Variants in UNC5C observed in about 807,000 individuals in gnomAD.
UNC5C encodes netrin receptor UNC5C.
UNC5C carries 47 observed loss-of-function variants against 99.8 expected under a neutral mutation model. The observed-to-expected ratio is 0.47, with a 90% CI of 0.37 to 0.60. The LOEUF (loss-of-function observed/expected upper bound fraction) is 0.60, where lower values mean the gene tolerates loss of function less well. Ranked by LOEUF, UNC5C falls within the 20% of genes least tolerant of loss-of-function variation. The pLI is 0.00. For missense variants in UNC5C, 1,062 were observed against 1,165.9 expected (o/e 0.91, Z 1.30); for synonymous variants, 487 against 452.2 (o/e 1.08, Z -0.98).
At chr4:95,225,736 G>A (rs1738660215) in intron 7 of UNC5C, among the ~76,000 whole-genome samples, 1 of 152,100 alleles carries the variant, frequency 6.6e-6, no homozygotes, top group South Asian at 2.1e-4. Context: ...TTTCCTACAT[G>A]GGAAAATTTA....
intron 3 of UNC5C, 66 bp from the exon 4 acceptor site, chr4:95,278,428 C>T: frequency 7.5e-7 from 1 of 1,340,552 alleles, no homozygotes; most frequent in South Asian, 1.2e-5. Flanking sequence ...ACAGAGAGTA[C>T]AAAAAATTTT....
intron 2 of UNC5C, among the ~76,000 whole-genome samples, chr4:95,328,606 G>T: frequency 7.0e-6 from 1 of 143,716 alleles, no homozygotes; most frequent in South Asian, 2.5e-4. Flanking sequence ...GGGTCAAATG[G>T]TATTTCTAGT....
At chr4:95,487,598 A>C (rs568601153) in intron 1 of UNC5C, among the ~76,000 whole-genome samples, 2 of 151,760 alleles carry the variant, frequency 1.3e-5, no homozygotes, top group Non-Finnish European at 2.9e-5. Context: ...CACTACTATA[A>C]ATACTTATGT....
chr4:95,279,497 T>G (rs1459541584), intron 3 of UNC5C, among the ~76,000 whole-genome samples: 1 of 152,232 alleles, frequency 6.6e-6, no homozygotes, highest in Admixed American at 6.5e-5. Flanking sequence ...TTATTTTGTT[T>G]TAATGGTTTG....
chr4:95,540,012 T>C (rs1172421310), intron 1 of UNC5C, among the ~76,000 whole-genome samples: 4 of 152,074 alleles, frequency 2.6e-5, no homozygotes, highest in Non-Finnish European at 5.9e-5. Context: ...TATATATGTG[T>C]GTATAAATAT....
intron 1 of UNC5C, among the ~76,000 whole-genome samples, chr4:95,421,401 A>G (rs144459584): frequency 6.6e-6 from 1 of 152,270 alleles, no homozygotes; most frequent in Non-Finnish European, 1.5e-5. Flanking sequence ...TTTTCAACAA[A>G]ATTGGAAAAG....
At chr4:95,292,347 G>A (rs1241235925) in intron 3 of UNC5C, among the ~76,000 whole-genome samples, 4 of 150,214 alleles carry the variant, frequency 2.7e-5, no homozygotes, top group Admixed American at 6.7e-5. Flanking sequence ...TCAGCTCACC[G>A]CAAGCTCTGC....
At chr4:95,536,525 G>A (rs538569124) in intron 1 of UNC5C, among the ~76,000 whole-genome samples, 1 of 152,202 alleles carries the variant, frequency 6.6e-6, no homozygotes, top group African/African-American at 2.4e-5. Context: ...TCCTATTTCA[G>A]TCAGTCTGGC....
chr4:95,374,226 G>A lies in UNC5C; in HGVS notation c.125-38595C>T, dbSNP rs191914786. Among the ~76,000 whole-genome samples, 1,026 of 152,222 alleles carry A rather than the reference G, an allele frequency of 6.7e-3. 3 individuals carry two copies. The highest frequency in any genetic ancestry group is 8.7e-3 in the Non-Finnish European group (594 of 68,016). ...AGGATAAGAGTGCAAATGGAGGTTT[G>A]CACACCATATGCCTAGATACTTCAA... is the stretch of plus-strand genomic sequence containing the variant. On this transcript the variant is annotated intron_variant, in intron 1 of 15. Coordinates refer to ENST00000453304, the MANE Select transcript of UNC5C (RefSeq NM_003728.4).
At chr4:95,216,564 A>G (rs1425793438) in intron 9 of UNC5C, among the ~76,000 whole-genome samples, 1 of 151,980 alleles carries the variant, frequency 6.6e-6, no homozygotes, top group Non-Finnish European at 1.5e-5. Flanking sequence ...TAAAATCCCC[A>G]CAAGATTCAA....
intron 1 of UNC5C, among the ~76,000 whole-genome samples, chr4:95,352,003 C>G (rs1179817635): frequency 6.6e-6 from 1 of 152,086 alleles, no homozygotes; most frequent in Non-Finnish European, 1.5e-5. Flanking sequence ...TTCCTTGCTG[C>G]CTGGATACAG....
chr4:95,429,086 A>C (rs530003276), intron 1 of UNC5C, among the ~76,000 whole-genome samples: 1 of 152,212 alleles, frequency 6.6e-6, no homozygotes, highest in South Asian at 2.1e-4. Context: ...CACCATAAAC[A>C]AGGCTTTCAC....
rs554919400 is a variant in UNC5C at position 95,162,698 on chromosome 4, C to G, written c.*6536G>C. 6.6e-6 allele frequency: 1 copy of G among 152,062 alleles called. No homozygotes were observed. The highest frequency in any genetic ancestry group is 2.1e-4 in the South Asian group (1 of 4,826). The allele number at this position is 152,062 out of a possible 1,614,324, so 9.4% of individuals were successfully genotyped here. On this transcript the variant is annotated 3_prime_UTR_variant, in exon 16 of 16. Coordinates refer to ENST00000453304, the MANE Select transcript of UNC5C (RefSeq NM_003728.4). ...TCACCTCCACCACTCAGCAAGGCGC[C>G]GGACAGATATCCGGAGGGCACTCTG... is the stretch of plus-strand genomic sequence containing the variant.
intron 2 of UNC5C, among the ~76,000 whole-genome samples, chr4:95,302,774 TTTAG>T (rs1461531551): frequency 6.6e-6 from 1 of 152,230 alleles, no homozygotes; most frequent in African/African-American, 2.4e-5. Context: ...TAAATATTTA[TTTAG>T]TATCAATTAT....
At chr4:95,188,218 A>T (rs1172968937) in intron 12 of UNC5C, among the ~76,000 whole-genome samples, 2 of 152,144 alleles carry the variant, frequency 1.3e-5, no homozygotes, top group Non-Finnish European at 2.9e-5. Context: ...TACCTGGGGA[A>T]GAATTCAGCC....
chr4:95,409,365 G>A (rs9307158), intron 1 of UNC5C, among the ~76,000 whole-genome samples: 31,588 of 152,068 alleles, frequency 0.21, 5,069 homozygotes, highest in African/African-American at 0.44. Context: ...ACATCAAACA[G>A]TTCAAGGGAC....
intron 4 of UNC5C, among the ~76,000 whole-genome samples, chr4:95,265,824 C>T (rs1249400440): frequency 6.6e-6 from 1 of 152,172 alleles, no homozygotes; most frequent in Non-Finnish European, 1.5e-5. Context: ...AGGCTATAAG[C>T]TCCCAGAATC....
chr4:95,375,951 G>A (rs1579368421), intron 1 of UNC5C, among the ~76,000 whole-genome samples: 1 of 152,214 alleles, frequency 6.6e-6, no homozygotes, highest in Admixed American at 6.5e-5. Flanking sequence ...TACTCAGGAG[G>A]CTGAGGCAGG....
At chr4:95,330,963 CT>C in intron 2 of UNC5C, among the ~76,000 whole-genome samples, 1 of 152,198 alleles carries the variant, frequency 6.6e-6, no homozygotes, top group East Asian at 1.9e-4. Context: ...ACCAACCCCC[CT>C]CACCCACCTG....
Sources: allele counts gnomAD v4.1 joint callset (sites outside exome capture counted in the v4.1 genomes callset), GRCh38; gene constraint gnomAD v4.1.1; transcripts MANE v1.5; gene names NCBI Gene and HGNC (gene_info 2026-07-23, HGNC 2026-07-21).